Variants in CILK1 observed in about 807,000 individuals in gnomAD.
The protein encoded by CILK1 is ciliogenesis associated kinase 1.
CILK1 carries 47 observed loss-of-function variants against 79.2 expected under a neutral mutation model. That is an observed-to-expected ratio of 0.59 (90% CI 0.47 to 0.76). The LOEUF is 0.76. CILK1 is among the 30% of genes least tolerant of loss of function. CILK1 has a pLI of 0.00. For synonymous variants in CILK1, 266 were observed against 275.9 expected (o/e 0.96, Z 0.36); for missense variants, 660 against 769.5 (o/e 0.86, Z 1.68).
chr6:53,058,262 A>T (rs1470572165), intron 1 of CILK1, among the ~76,000 whole-genome samples: 1 of 152,182 alleles, frequency 6.6e-6, no homozygotes, highest in African/African-American at 2.4e-5. Flanking sequence ...AGATGCCCAT[A>T]TCAACCTTGG....
At chr6:53,021,343 T>TG (rs200026789) in intron 5 of CILK1, among the ~76,000 whole-genome samples, 1,402 of 76,658 alleles carry the variant, frequency 0.018, 12 homozygotes, top group African/African-American at 0.054. Context: ...GCGGGGGGGT[T>TG]GGGGGGGTAA....
chr6:53,034,988 G>T (rs1008872986), intron 3 of CILK1, among the ~76,000 whole-genome samples: 7 of 152,206 alleles, frequency 4.6e-5, no homozygotes, highest in African/African-American at 1.7e-4. Flanking sequence ...CGAAGGATGA[G>T]AATCAACCTA....
chr6:53,030,525 G>A (rs1765868325), intron 5 of CILK1, among the ~76,000 whole-genome samples: 1 of 152,128 alleles, frequency 6.6e-6, no homozygotes, highest in African/African-American at 2.4e-5. Flanking sequence ...AATAAAACTT[G>A]CTGGCATGCA....
intron 5 of CILK1, among the ~76,000 whole-genome samples, chr6:53,022,758 T>C (rs1765326522): frequency 6.6e-6 from 1 of 152,174 alleles, no homozygotes; most frequent in South Asian, 2.1e-4. Context: ...GTAGCCTTCA[T>C]TCATTCATTC....
chr6:53,032,274 T>A (rs1253345706), intron 4 of CILK1, among the ~76,000 whole-genome samples: 1 of 152,122 alleles, frequency 6.6e-6, no homozygotes, highest in Admixed American at 6.5e-5. Context: ...AGCGTGAATG[T>A]TAAAGGATTG....
At chr6:53,034,400 G>A (rs1338519959) in intron 3 of CILK1, among the ~76,000 whole-genome samples, 1 of 152,264 alleles carries the variant, frequency 6.6e-6, no homozygotes, top group Non-Finnish European at 1.5e-5. Flanking sequence ...TCAAGTGACT[G>A]GCTTTATGAA....
At chr6:53,060,623 C>T (rs1395739000) in intron 1 of CILK1, among the ~76,000 whole-genome samples, 1 of 152,142 alleles carries the variant, frequency 6.6e-6, no homozygotes, top group Non-Finnish European at 1.5e-5. Context: ...GAGTCTTTAC[C>T]AAATTGTAGC....
At chr6:53,048,786 C>G (rs1237803970) in intron 1 of CILK1, among the ~76,000 whole-genome samples, 1 of 152,128 alleles carries the variant, frequency 6.6e-6, no homozygotes, top group Non-Finnish European at 1.5e-5. Flanking sequence ...AGCAGCCACC[C>G]CAGGGCATGA....
chr6:53,015,912 A>G (rs1342326606), intron 8 of CILK1, 171 bp downstream of exon 8: 7 of 661,716 alleles, frequency 1.1e-5, no homozygotes, highest in Non-Finnish European at 1.8e-5. Flanking sequence ...ACTACTTTAT[A>G]CCCAGTAAGT....
rs753024438 is a variant in CILK1 at position 53,037,908 on chromosome 6, A to G, written c.156+31T>C. ...ATGTACAAAGCTATTTTAATCATCC[A>G]TAAATTATTCCTTGGTATATTAATA... On this transcript the variant is annotated intron_variant, in intron 3 of 13. Transcript: ENST00000676107. 34 of 1,266,166 alleles carry G rather than the reference A, an allele frequency of 2.7e-5. 1 individual carries two copies. In the South Asian group the frequency reaches 4.0e-4, roughly 15 times the overall value. 78.4% of individuals were successfully genotyped at this position (1,266,166 alleles called of 1,614,324 possible).
intron 1 of CILK1, among the ~76,000 whole-genome samples, chr6:53,043,781 T>C (rs1283195321): frequency 6.6e-6 from 1 of 151,058 alleles, no homozygotes; most frequent in Non-Finnish European, 1.5e-5. Flanking sequence ...GGGAAGCAGA[T>C]ATGTACCACT....
At chr6:53,037,412 C>A (rs1448352618) in intron 3 of CILK1, among the ~76,000 whole-genome samples, 2 of 130,006 alleles carry the variant, frequency 1.5e-5, no homozygotes, top group African/African-American at 5.6e-5. Flanking sequence ...CAAGGAGGAA[C>A]GGATGAGGAA....
At chr6:53,042,849 C>T (rs1766803871) in intron 1 of CILK1, among the ~76,000 whole-genome samples, 1 of 152,090 alleles carries the variant, frequency 6.6e-6, no homozygotes, top group Non-Finnish European at 1.5e-5. Context: ...TTGGTAAAAT[C>T]TAAGTAAGAT....
chr6:53,036,725 T>C (rs566042193), intron 3 of CILK1, among the ~76,000 whole-genome samples: 1 of 152,194 alleles, frequency 6.6e-6, no homozygotes, highest in South Asian at 2.1e-4. Context: ...CCAAAAAAGA[T>C]AAAAAAGAAT....
At chr6:53,056,836 G>A (rs145371138) in intron 1 of CILK1, among the ~76,000 whole-genome samples, 58 of 152,196 alleles carry the variant, frequency 3.8e-4, no homozygotes, top group African/African-American at 1.3e-3. Context: ...ATACTACCAC[G>A]TCCACCCTCA....
chr6:53,014,124 C>T (rs748161535), intron 8 of CILK1, 142 bp from the exon 9 acceptor site: 1 of 703,648 alleles, frequency 1.4e-6, no homozygotes, highest in Non-Finnish European at 2.5e-6. Flanking sequence ...ATTTTTAACA[C>T]CCCTTGTGAT....
intron 5 of CILK1, among the ~76,000 whole-genome samples, chr6:53,019,582 A>G (rs1488161109): frequency 6.6e-6 from 1 of 152,210 alleles, no homozygotes; most frequent in East Asian, 1.9e-4. Flanking sequence ...TGTTCTTCAT[A>G]ATTTTTTTTA....
intron 1 of CILK1, among the ~76,000 whole-genome samples, chr6:53,044,044 A>C (rs547108337): frequency 3.3e-5 from 5 of 152,328 alleles, no homozygotes; most frequent in Non-Finnish European, 7.3e-5. Flanking sequence ...AAGAGTTGGC[A>C]GAGTTTTGTT....
chr6:53,036,380 C>T (rs1766335055), intron 3 of CILK1, among the ~76,000 whole-genome samples: 1 of 152,058 alleles, frequency 6.6e-6, no homozygotes, highest in African/African-American at 2.4e-5. Flanking sequence ...ATCCAGCCCA[C>T]CACATGTTTT....
Sources: gnomAD v4.1 joint callset for allele counts (sites outside exome capture counted in the v4.1 genomes callset) on GRCh38, gnomAD v4.1.1 for gene constraint, MANE v1.5 for transcripts, NCBI Gene and HGNC (gene_info 2026-07-23, HGNC 2026-07-21) for gene names.